The following ATF7IP2 variants were observed in gnomAD, a reference collection of about 807,000 sequenced individuals.
ATF7IP2 encodes the protein activating transcription factor 7 interacting protein 2, also known as activating transcription factor 7-interacting protein 2.
ATF7IP2 carries 42 observed loss-of-function variants against 64.2 expected under a neutral mutation model. The observed-to-expected ratio is 0.65, with a 90% CI of 0.51 to 0.85. The LOEUF is 0.85. Among genes scored for constraint, ATF7IP2 ranks in the 40% least tolerant of loss-of-function variants. ATF7IP2 has a pLI of 0.00. For missense variants in ATF7IP2, 933 were observed against 784.2 expected (o/e 1.19, Z -2.27); for synonymous variants, 308 against 272.8 (o/e 1.13, Z -1.27).
chr16:10,453,302 C>G (rs1399542476), intron 8 of ATF7IP2, among the ~76,000 whole-genome samples: 2 of 152,154 alleles, frequency 1.3e-5, no homozygotes, highest in Non-Finnish European at 2.9e-5. Flanking sequence ...TACCGTTCCT[C>G]ACGGCATAGT....
At position 10,482,464 on chromosome 16, in the gene ATF7IP2, C is replaced by T. The variant is rs758702169; in HGVS notation, c.*215C>T. 2.2e-5 allele frequency: 9 copies of T among 416,164 alleles called. No individual in the cohort carries two copies. Among genetic ancestry groups the T allele is most frequent in the Admixed American group, 2.1e-4 (5 of 23,702 alleles). 25.8% of individuals were successfully genotyped at this position (416,164 alleles called of 1,614,324 possible). A position where few individuals can be genotyped will look rare whatever the true frequency, so the allele number is the denominator to read the frequency against. On this transcript the variant is annotated 3_prime_UTR_variant, in exon 14 of 14. Coordinates refer to ENST00000562102, the MANE Select transcript of ATF7IP2 (RefSeq NM_001393719.1). ...CAATGGATAAGTTCTAAAACATACGCTATCATTGGCCCATGTTGCTGAGGT... is the reference window on the plus strand; with the variant it reads ...CAATGGATAAGTTCTAAAACATACGTTATCATTGGCCCATGTTGCTGAGGT...
chr16:10,394,078 AT>A (rs1423090622), intron 1 of ATF7IP2, among the ~76,000 whole-genome samples: 1 of 152,190 alleles, frequency 6.6e-6, no homozygotes, highest in Non-Finnish European at 1.5e-5. Context: ...GGATTAAACA[AT>A]CCCATGAAAT....
chr16:10,423,241 C>CAAAT (rs989909125), intron 3 of ATF7IP2, among the ~76,000 whole-genome samples: 89 of 152,062 alleles, frequency 5.9e-4, no homozygotes, highest in African/African-American at 1.8e-3. Context: ...GAGACTCCAT[C>CAAAT]AAATAAATAA....
chr16:10,396,796 C>T (rs1018361075), intron 1 of ATF7IP2, among the ~76,000 whole-genome samples: 9 of 150,254 alleles, frequency 6.0e-5, no homozygotes, highest in Middle Eastern at 6.8e-3. Context: ...ACAAGAGGCA[C>T]GTGACACCAT....
chr16:10,395,599 G>A (rs2047406174), intron 1 of ATF7IP2, among the ~76,000 whole-genome samples: 2 of 152,088 alleles, frequency 1.3e-5, no homozygotes, highest in African/African-American at 2.4e-5. Context: ...ATGACCAAGT[G>A]AGATTTATTT....
At position 10,431,040 on chromosome 16, in the gene ATF7IP2, T is replaced by C. The variant is rs1426887372; in HGVS notation, c.420T>C (p.Thr140=). The C allele has an allele frequency of 6.2e-7, 1 of 1,614,162 alleles. No individual in the cohort carries two copies. The highest frequency in any genetic ancestry group is 1.7e-5 in the Admixed American group (1 of 60,020). Residue 140 remains threonine (T), a synonymous_variant, in exon 5 of 14, where the codon ACT becomes ACC. Transcript: ENST00000562102. ...AAGAGGCAAAAGATTCACTGAACACTTCTGAAAACGATTCTGAGCATCAGA... is the reference window on the plus strand; with the variant it reads ...AAGAGGCAAAAGATTCACTGAACACCTCTGAAAACGATTCTGAGCATCAGA... The part of the protein sequence containing the change: ...FTEEAKDSLN[T]SENDSEHQTN...
At chr16:10,433,143 C>G (rs563277740) in intron 5 of ATF7IP2, among the ~76,000 whole-genome samples, 1 of 151,994 alleles carries the variant, frequency 6.6e-6, no homozygotes, top group Admixed American at 6.6e-5. Flanking sequence ...TTTCCATTTG[C>G]TCAGAGGGTC....
intron 1 of ATF7IP2, among the ~76,000 whole-genome samples, chr16:10,405,832 C>T (rs930851437): frequency 2.0e-5 from 3 of 152,158 alleles, no homozygotes; most frequent in Admixed American, 6.5e-5. Flanking sequence ...CAACTCTGTC[C>T]TTAACCCTTG....
chr16:10,431,312 A>G lies in ATF7IP2; in HGVS notation c.692A>G (p.Lys231Arg). ...GACTCAGGTTTTGTGCCTGTTGAGA[A>G]AACACCTAATTTGGTGAATTCAGTC... ...SEDSGFVPVE[K>R]TPNLVNSVTS... The change falls in exon 5 of 14, where the codon AAA becomes AGA. Residue 231 changes from lysine (K) to arginine (R), a missense_variant. Lys to Arg is a conservative substitution (Grantham distance 26, BLOSUM62 2). Transcript: ENST00000562102. The G allele has an allele frequency of 6.2e-7, 1 of 1,614,240 alleles. No individual in the cohort carries two copies. Among genetic ancestry groups the G allele is most frequent in the Non-Finnish European group, 8.5e-7 (1 of 1,180,038 alleles).
At chr16:10,466,368 A>G (rs2049571791) in intron 9 of ATF7IP2, among the ~76,000 whole-genome samples, 1 of 152,196 alleles carries the variant, frequency 6.6e-6, no homozygotes, top group Non-Finnish European at 1.5e-5. Flanking sequence ...ATGTACATAT[A>G]TACACTTCTG....
At chr16:10,421,711 A>T (rs903841541) in intron 3 of ATF7IP2, among the ~76,000 whole-genome samples, 2 of 152,240 alleles carry the variant, frequency 1.3e-5, no homozygotes, top group Non-Finnish European at 2.9e-5. Context: ...GGCAGCACAA[A>T]GTATATCATC....
chr16:10,413,652 G>T (rs1211740909), intron 1 of ATF7IP2, among the ~76,000 whole-genome samples: 2 of 152,110 alleles, frequency 1.3e-5, no homozygotes, highest in South Asian at 2.1e-4. Flanking sequence ...CTTTAAAGAG[G>T]TTCTGTTTTG....
intron 1 of ATF7IP2, among the ~76,000 whole-genome samples, chr16:10,399,353 T>G (rs1251066567): frequency 6.6e-6 from 1 of 152,240 alleles, no homozygotes; most frequent in African/African-American, 2.4e-5. Flanking sequence ...TAATGAGAGT[T>G]TATTTTTAAG....
chr16:10,456,014 C>T (rs958383783), intron 8 of ATF7IP2, among the ~76,000 whole-genome samples: 3 of 109,564 alleles, frequency 2.7e-5, no homozygotes, highest in African/African-American at 7.3e-5. Flanking sequence ...AAGTCTGGCT[C>T]TGTTGCCCAG....
chr16:10,462,554 T>C (rs1424654164), intron 9 of ATF7IP2, among the ~76,000 whole-genome samples: 2 of 152,180 alleles, frequency 1.3e-5, no homozygotes, highest in African/African-American at 4.8e-5. Flanking sequence ...TCTGTTGAAA[T>C]GTTTTAACAT....
At chr16:10,469,520 G>T (rs1453103507) in intron 9 of ATF7IP2, among the ~76,000 whole-genome samples, 3 of 152,064 alleles carry the variant, frequency 2.0e-5, no homozygotes, top group Non-Finnish European at 4.4e-5. Flanking sequence ...AGTCAGTGAG[G>T]AAGGGAAAAT....
Position 10,431,085 on chromosome 16 carries a change from T to A in ATF7IP2, c.465T>A (p.Leu155=). Residue 155 remains leucine (L), a synonymous_variant, in exon 5 of 14, where the codon CTT becomes CTA. Transcript: ENST00000562102. ...SEHQTNVTRS[L]FEHEGACSLK... is the part of the protein sequence containing the mutation. ...ATCAGACAAATGTAACAAGATCCCT[T>A]TTTGAGCATGAGGGGGCTTGTAGTC... The A allele has an allele frequency of 6.2e-7, 1 of 1,614,156 alleles. No homozygotes were observed. The highest frequency in any genetic ancestry group is 8.5e-7 in the Non-Finnish European group (1 of 1,180,032).
At chr16:10,430,394 T>A (rs534009513) in intron 4 of ATF7IP2, among the ~76,000 whole-genome samples, 24 of 152,334 alleles carry the variant, frequency 1.6e-4, no homozygotes, top group African/African-American at 5.8e-4. Flanking sequence ...AATACAGATT[T>A]TGAATTTATG....
At chr16:10,428,661 A>G (rs1304298549) in intron 3 of ATF7IP2, among the ~76,000 whole-genome samples, 1 of 152,132 alleles carries the variant, frequency 6.6e-6, no homozygotes, top group East Asian at 1.9e-4. Context: ...GGCACCTGTA[A>G]TATGTGAGTA....
Sources: allele counts gnomAD v4.1 joint callset (sites outside exome capture counted in the v4.1 genomes callset), GRCh38; gene constraint gnomAD v4.1.1; transcripts MANE v1.5; gene names NCBI Gene and HGNC (gene_info 2026-07-23, HGNC 2026-07-21).